SLCO3A1: variants seen among roughly 807,000 people sequenced by gnomAD.
SLCO3A1 encodes PGE1 transporter.
SLCO3A1 carries 27 observed loss-of-function variants against 63.1 expected under a neutral mutation model. The ratio of observed to expected loss-of-function variants is 0.43; its 90% CI spans 0.32 to 0.59. SLCO3A1 has a LOEUF of 0.59. Among genes scored for constraint, SLCO3A1 ranks in the 20% least tolerant of loss-of-function variants. The probability of loss-of-function intolerance (pLI) is 0.09; values close to 1 mark genes in which losing one functional copy is unlikely to be tolerated. For missense variants in SLCO3A1, 773 were observed against 945.8 expected (o/e 0.82, Z 2.40); for synonymous variants, 473 against 409.9 (o/e 1.15, Z -1.86).
intron 2 of SLCO3A1, among the ~76,000 whole-genome samples, chr15:92,079,377 T>G (rs940044028): frequency 3.9e-5 from 6 of 152,208 alleles, no homozygotes; most frequent in Non-Finnish European, 7.3e-5. Flanking sequence ...ACACTCATTT[T>G]CTTACAGTTT....
intron 2 of SLCO3A1, among the ~76,000 whole-genome samples, chr15:92,027,674 T>A (rs11074031): frequency 6.6e-6 from 1 of 152,094 alleles, no homozygotes; most frequent in African/African-American, 2.4e-5. Flanking sequence ...AGACTGTGCC[T>A]TTTGCTTTGT....
intron 2 of SLCO3A1, among the ~76,000 whole-genome samples, chr15:92,012,362 G>A (rs944392339): frequency 6.6e-6 from 1 of 152,164 alleles, no homozygotes; most frequent in African/African-American, 2.4e-5. Context: ...CAAATTGAAA[G>A]TGAAGGTTTT....
chr15:92,010,632 A>C (rs927151264), intron 2 of SLCO3A1, among the ~76,000 whole-genome samples: 1 of 152,164 alleles, frequency 6.6e-6, no homozygotes, highest in Admixed American at 6.5e-5. Flanking sequence ...AACAAAATTC[A>C]TTTAAATTTT....
Position 92,163,394 on chromosome 15 carries a change from A to G in SLCO3A1, c.*259A>G. The G allele has an allele frequency of 8.9e-7, 1 of 1,120,612 alleles. No individual in the cohort carries two copies. The highest frequency in any genetic ancestry group is 1.6e-5 in the African/African-American group (1 of 61,976). 69.4% of individuals were successfully genotyped at this position (1,120,612 alleles called of 1,614,324 possible). A position where few individuals can be genotyped will look rare whatever the true frequency, so the allele number is the denominator to read the frequency against. ...GGCTGGGCCACAGAGTCTACTTTGA[A>G]GGCACCTCATGGTTTTCAGGATGCT... On this transcript the variant is annotated 3_prime_UTR_variant, in exon 10 of 10. Coordinates refer to ENST00000318445, the MANE Select transcript of SLCO3A1 (RefSeq NM_013272.4).
At chr15:92,076,509 A>G (rs190355736) in intron 2 of SLCO3A1, among the ~76,000 whole-genome samples, 68 of 152,066 alleles carry the variant, frequency 4.5e-4, no homozygotes, top group Admixed American at 3.4e-3. Flanking sequence ...CTGAGTCTCT[A>G]CTCATTTGCT....
chr15:91,854,170 C>T lies in SLCO3A1; in HGVS notation c.180+82C>T. The T allele has an allele frequency of 8.0e-7, 1 of 1,246,148 alleles. No individual in the cohort carries two copies. Among genetic ancestry groups the T allele is most frequent in the Non-Finnish European group, 1.0e-6 (1 of 971,018 alleles). 77.2% of individuals were successfully genotyped at this position (1,246,148 alleles called of 1,614,324 possible). A position where few individuals can be genotyped will look rare whatever the true frequency, so the allele number is the denominator to read the frequency against. ...GCCGCCTGGCCCGACGAGGGGGCCG[C>T]CCGGCGCTGGGGGCAGGCGGGCATG... On this transcript the variant is annotated intron_variant, in intron 1 of 9. Coordinates refer to ENST00000318445, the MANE Select transcript of SLCO3A1 (RefSeq NM_013272.4). The surrounding 1 kb of genome is among the most constrained non-coding windows in gnomAD (Gnocchi z 6.4).
At chr15:92,047,910 ACTT>A (rs938539607) in intron 2 of SLCO3A1, among the ~76,000 whole-genome samples, 1 of 151,606 alleles carries the variant, frequency 6.6e-6, no homozygotes, top group African/African-American at 2.4e-5. Context: ...TGTACCGGGC[ACTT>A]CATCTGAGCA....
intron 1 of SLCO3A1, among the ~76,000 whole-genome samples, chr15:91,891,314 T>G (rs1897865093): frequency 6.6e-6 from 1 of 152,184 alleles, no homozygotes; most frequent in Non-Finnish European, 1.5e-5. Flanking sequence ...AGCCACCTTG[T>G]CTGAAGTCAG....
At chr15:92,073,738 T>G (rs895790780) in intron 2 of SLCO3A1, among the ~76,000 whole-genome samples, 31 of 152,264 alleles carry the variant, frequency 2.0e-4, no homozygotes, top group Non-Finnish European at 4.0e-4. Context: ...GCAGGTTCAG[T>G]GGCATTTTTG....
Position 91,941,380 on chromosome 15 carries a change from G to C in SLCO3A1, c.646+24922G>C, listed in dbSNP as rs1161091658. On this transcript the variant is annotated intron_variant, in intron 2 of 9. Transcript: ENST00000318445. This position sits in a 1 kb window ranked among gnomAD's most constrained non-coding sequence, Gnocchi z 4.4. The stretch of plus-strand genomic sequence containing the variant: ...AAGACCTGAGATTCCCTGGGAGGCT[G>C]TGGGGTCTGCCACCCAGCAGATCTG... 3 of 373,492 alleles carry C rather than the reference G, an allele frequency of 8.0e-6. No homozygotes were observed. The highest frequency in any genetic ancestry group is 1.6e-5 in the Non-Finnish European group (3 of 189,756). 23.1% of individuals were successfully genotyped at this position (373,492 alleles called of 1,614,324 possible). A position where few individuals can be genotyped will look rare whatever the true frequency, so the allele number is the denominator to read the frequency against.
At position 91,941,766 on chromosome 15, in the gene SLCO3A1, A is replaced by G. The variant is rs566417308; in HGVS notation, c.646+25308A>G. ...CCTTCATGGAGCTTGTCTGTGTGCA[A>G]CTTCATCTGAGAGCGCTCAGGCTTC... On this transcript the variant is annotated intron_variant, in intron 2 of 9. Transcript: ENST00000318445. This position sits in a 1 kb window ranked among gnomAD's most constrained non-coding sequence, Gnocchi z 4.4. Among the ~76,000 whole-genome samples, 2 of 152,180 alleles carry G rather than the reference A, an allele frequency of 1.3e-5. No homozygotes were observed. The highest frequency in any genetic ancestry group is 4.8e-5 in the African/African-American group (2 of 41,434).
rs1261141418 is a variant in SLCO3A1 at position 91,882,243 on chromosome 15, G to A, written c.180+28155G>A. Reference sequence around the variant, plus strand: ...CTGAAACTCAGTGTGAGGATGGGAAGTTTATGTCTCCCTTCTCAAGCACGC... The same window carrying A: ...CTGAAACTCAGTGTGAGGATGGGAAATTTATGTCTCCCTTCTCAAGCACGC... On this transcript the variant is annotated intron_variant, in intron 1 of 9. Transcript: ENST00000318445. The surrounding 1 kb of genome is among the most constrained non-coding windows in gnomAD (Gnocchi z 4.4). 1.3e-5 allele frequency among the ~76,000 whole-genome samples: 2 copies of A among 152,158 alleles called. No individual in the cohort carries two copies. Among genetic ancestry groups the A allele is most frequent in the Non-Finnish European group, 2.9e-5 (2 of 68,018 alleles).
At chr15:91,960,216 C>CTCG (rs1321063890) in intron 2 of SLCO3A1, among the ~76,000 whole-genome samples, 1 of 152,186 alleles carries the variant, frequency 6.6e-6, no homozygotes, top group Non-Finnish European at 1.5e-5. Flanking sequence ...ATCTCCTGAC[C>CTCG]TCGTGATCTG....
In SLCO3A1 at chr15:92,163,453, G is replaced by A; in HGVS notation, c.*318G>A. On this transcript the variant is annotated 3_prime_UTR_variant, in exon 10 of 10. Transcript: ENST00000318445. The stretch of plus-strand genomic sequence containing the variant: ...CAAGCAACAGGCACTGCCAAATTCA[G>A]GGAACAGTGGTGGCCAGCTTGGAGG... 1 of 1,048,344 alleles carries A rather than the reference G, an allele frequency of 9.5e-7. No homozygotes were observed. Among genetic ancestry groups the A allele is most frequent in the Non-Finnish European group, 1.1e-6 (1 of 871,852 alleles). The allele number at this position is 1,048,344 out of a possible 1,614,324, so 64.9% of individuals were successfully genotyped here.
intron 2 of SLCO3A1, among the ~76,000 whole-genome samples, chr15:92,013,801 G>A (rs1171481348): frequency 6.6e-6 from 1 of 152,132 alleles, no homozygotes; most frequent in Non-Finnish European, 1.5e-5. Flanking sequence ...TTTAATTCCT[G>A]GACCTGCGCC....
At chr15:91,931,203 A>G (rs1327648056) in intron 2 of SLCO3A1, among the ~76,000 whole-genome samples, 2 of 152,148 alleles carry the variant, frequency 1.3e-5, no homozygotes, top group Non-Finnish European at 2.9e-5. Flanking sequence ...GCTCACGTAA[A>G]CTCGGTTTTT....
intron 8 of SLCO3A1, among the ~76,000 whole-genome samples, chr15:92,150,493 G>A (rs1815172123): frequency 6.6e-6 from 1 of 152,158 alleles, no homozygotes; most frequent in African/African-American, 2.4e-5. Context: ...TGCTAATCTG[G>A]TGGATTTCAC....
chr15:91,933,053 G>A lies in SLCO3A1; in HGVS notation c.646+16595G>A, dbSNP rs528492616. On this transcript the variant is annotated intron_variant, in intron 2 of 9. Transcript: ENST00000318445. Reference sequence around the variant, plus strand: ...TTATCCTGAGTTAGAATTGGAATGAGAAAAGGAGGAAAAATCCTCCCCAAT... The same window carrying A: ...TTATCCTGAGTTAGAATTGGAATGAAAAAAGGAGGAAAAATCCTCCCCAAT... Among the ~76,000 whole-genome samples, 3 of 150,816 alleles carry A rather than the reference G, an allele frequency of 2.0e-5. No homozygotes were observed. In the South Asian group the frequency reaches 6.3e-4, roughly 31 times the overall value.
At chr15:91,989,655 G>A (rs1169541946) in intron 2 of SLCO3A1, among the ~76,000 whole-genome samples, 1 of 152,180 alleles carries the variant, frequency 6.6e-6, no homozygotes, top group African/African-American at 2.4e-5. Context: ...TGCATCACAG[G>A]CAAGTCCACA....
Sources: gnomAD v4.1 joint callset for allele counts (sites outside exome capture counted in the v4.1 genomes callset) on GRCh38, gnomAD v4.1.1 for gene constraint, Gnocchi (gnomAD v3.1) non-coding constraint, MANE v1.5 for transcripts, NCBI Gene and HGNC (gene_info 2026-07-23, HGNC 2026-07-21) for gene names.